Variants in NCKAP5 observed in about 807,000 individuals in gnomAD.
The protein encoded by NCKAP5 is nck-associated protein 5.
Under a neutral mutation model 167.0 loss-of-function variants are expected in NCKAP5, and 92 were observed. The ratio of observed to expected loss-of-function variants is 0.55; its 90% confidence interval spans 0.47 to 0.66. The LOEUF (loss-of-function observed/expected upper bound fraction) is 0.66. Among genes scored for constraint, NCKAP5 ranks in the 30% least tolerant of loss-of-function variants. NCKAP5 has a pLI of 0.00. For synonymous variants in NCKAP5, 891 were observed against 877.4 expected (o/e 1.02, Z -0.27); for missense variants, 2,378 against 2,315.0 (o/e 1.03, Z -0.56).
At chr2:133,094,660 T>C (rs890720612) in intron 6 of NCKAP5, among the ~76,000 whole-genome samples, 1 of 152,210 alleles carries the variant, frequency 6.6e-6, no homozygotes, top group Non-Finnish European at 1.5e-5. Flanking sequence ...ACCCTGATTA[T>C]GTTATGAGAC....
At chr2:132,883,205 TACA>T (rs1486990031) in intron 8 of NCKAP5, among the ~76,000 whole-genome samples, 5 of 139,650 alleles carry the variant, frequency 3.6e-5, no homozygotes, top group African/African-American at 1.0e-4. Flanking sequence ...CTGACTCAAA[TACA>T]CACACACACA....
chr2:133,359,492 T>A (rs1485025105), intron 3 of NCKAP5, among the ~76,000 whole-genome samples: 3 of 152,202 alleles, frequency 2.0e-5, no homozygotes, highest in African/African-American at 7.2e-5. Flanking sequence ...ATACTAATGA[T>A]CAAGAATCCA....
chr2:133,430,890 G>A (rs1282186242), intron 3 of NCKAP5, among the ~76,000 whole-genome samples: 1 of 151,562 alleles, frequency 6.6e-6, no homozygotes, highest in East Asian at 1.9e-4. Flanking sequence ...GGAGGAGTGA[G>A]GGAAGCCTAT....
At chr2:133,030,817 G>A (rs898881023) in intron 6 of NCKAP5, among the ~76,000 whole-genome samples, 4 of 152,264 alleles carry the variant, frequency 2.6e-5, no homozygotes, top group African/African-American at 9.6e-5. Context: ...AAATCAAGGT[G>A]TCAGTAGGGC....
the NCKAP5 span, among the ~76,000 whole-genome samples, chr2:133,588,088 A>G: frequency 2.0e-5 from 3 of 152,304 alleles, no homozygotes; most frequent in Non-Finnish European, 4.4e-5. Flanking sequence ...AAGTGTGTGT[A>G]TGTCTGTATA....
At chr2:133,393,977 G>T (rs1687583440) in intron 3 of NCKAP5, among the ~76,000 whole-genome samples, 1 of 152,172 alleles carries the variant, frequency 6.6e-6, no homozygotes, top group Non-Finnish European at 1.5e-5. Context: ...CAGGGATCTT[G>T]GGCCCCATTT....
chr2:132,836,504 A>G (rs987631280), intron 11 of NCKAP5, among the ~76,000 whole-genome samples: 4 of 151,612 alleles, frequency 2.6e-5, no homozygotes, highest in Admixed American at 1.3e-4. Context: ...TCAACTCTCC[A>G]ACTGCTCATC....
chr2:133,279,404 T>C (rs1049268844), intron 4 of NCKAP5, among the ~76,000 whole-genome samples: 3 of 152,250 alleles, frequency 2.0e-5, no homozygotes, highest in Admixed American at 6.5e-5. Context: ...TGTTTGCTGA[T>C]TTGAACATTT....
chr2:132,826,620 C>T (rs917911014), intron 11 of NCKAP5, among the ~76,000 whole-genome samples: 3 of 152,156 alleles, frequency 2.0e-5, no homozygotes, highest in Admixed American at 6.5e-5. Context: ...ATTAGTGAGA[C>T]TTTCATGTTT....
intron 3 of NCKAP5, among the ~76,000 whole-genome samples, chr2:133,431,109 A>G (rs1229429670): frequency 6.6e-6 from 1 of 152,138 alleles, no homozygotes; most frequent in Non-Finnish European, 1.5e-5. Flanking sequence ...TCATTTTTCC[A>G]AAGTTCAAGG....
At chr2:132,949,736 A>G (rs939577793) in intron 8 of NCKAP5, among the ~76,000 whole-genome samples, 1 of 152,248 alleles carries the variant, frequency 6.6e-6, no homozygotes, top group African/African-American at 2.4e-5. Context: ...TCGCTAAAAA[A>G]AAAGTCCATT....
At chr2:133,384,225 A>T (rs1686752951) in intron 3 of NCKAP5, among the ~76,000 whole-genome samples, 1 of 152,192 alleles carries the variant, frequency 6.6e-6, no homozygotes, top group Admixed American at 6.5e-5. Context: ...TCTTTAATTA[A>T]TTTTTGTATA....
chr2:133,412,839 T>C (rs898789879), intron 3 of NCKAP5, among the ~76,000 whole-genome samples: 2 of 152,266 alleles, frequency 1.3e-5, no homozygotes, highest in South Asian at 4.1e-4. Context: ...CCTCAAACTA[T>C]GACTCACTTT....
chr2:133,185,698 C>G lies in NCKAP5; in HGVS notation c.207+28018G>C, dbSNP rs184149296. Among the ~76,000 whole-genome samples the G allele has an allele frequency of 3.3e-5, 5 of 151,814 alleles. No homozygotes were observed. In the South Asian group the frequency reaches 6.2e-4, roughly 19 times the overall value. ...CTTTCACCTCCTTAGCTGTATTCCT[C>G]GATACTTCATTTTTTATGGCTATTT... On this transcript the variant is annotated intron_variant, in intron 5 of 19. Transcript: ENST00000409261.
chr2:132,850,316 C>T (rs556673708), intron 11 of NCKAP5, among the ~76,000 whole-genome samples: 2 of 152,222 alleles, frequency 1.3e-5, no homozygotes, highest in East Asian at 3.9e-4. Flanking sequence ...TTTTAATTGG[C>T]TGATTCATTG....
the NCKAP5 span, among the ~76,000 whole-genome samples, chr2:133,640,339 T>C: frequency 6.6e-6 from 1 of 152,160 alleles, no homozygotes; most frequent in Admixed American, 6.5e-5. Flanking sequence ...GAAATTCACA[T>C]GAGTAGGGAA....
chr2:133,605,670 A>G, the NCKAP5 span, among the ~76,000 whole-genome samples: 2 of 152,190 alleles, frequency 1.3e-5, no homozygotes, highest in Non-Finnish European at 2.9e-5. Context: ...ATCAACATAA[A>G]TAATTTGCAT....
intron 11 of NCKAP5, among the ~76,000 whole-genome samples, chr2:132,799,517 T>C (rs1286349620): frequency 3.3e-5 from 5 of 152,174 alleles, no homozygotes; most frequent in South Asian, 2.1e-4. Flanking sequence ...TTTAATCTAC[T>C]ACCACAGGTA....
intron 11 of NCKAP5, among the ~76,000 whole-genome samples, chr2:132,842,847 A>AT (rs1432310579): frequency 6.6e-6 from 1 of 151,032 alleles, no homozygotes; most frequent in Non-Finnish European, 1.5e-5. Flanking sequence ...CCCAATTTCC[A>AT]TTTTTTCTGT....
Sources: gnomAD v4.1 joint callset for allele counts (sites outside exome capture counted in the v4.1 genomes callset) on GRCh38, gnomAD v4.1.1 for gene constraint, MANE v1.5 for transcripts, NCBI Gene and HGNC (gene_info 2026-07-23, HGNC 2026-07-21) for gene names.